Variants in MED12L observed in about 807,000 individuals in gnomAD.
The protein encoded by MED12L is mediator of RNA polymerase II transcription subunit 12-like protein.
A neutral mutation model predicts 281.3 loss-of-function variants in MED12L; 60 were observed. The observed-to-expected ratio is 0.21, with a 90% CI of 0.17 to 0.26. The LOEUF (loss-of-function observed/expected upper bound fraction) is 0.26, where lower values mean the gene tolerates loss of function less well. Ranked by LOEUF, MED12L falls within the 10% of genes least tolerant of loss-of-function variation. The probability of loss-of-function intolerance (pLI) is 1.00; values close to 1 mark genes in which losing one functional copy is unlikely to be tolerated. For missense variants in MED12L, 2,146 were observed against 2,680.9 expected, an observed-to-expected ratio of 0.80 and a Z score of 4.41; for synonymous variants, 974 against 987.2, an observed-to-expected ratio of 0.99 and a Z score of 0.25.
chr3:151,162,429 G>A (rs930337105), intron 8 of MED12L, among the ~76,000 whole-genome samples: 2 of 151,854 alleles, frequency 1.3e-5, no homozygotes, highest in Admixed American at 6.6e-5. Context: ...TTGATGAATT[G>A]ATTGAGACAG....
chr3:151,280,287 T>A (rs1451066212), intron 16 of MED12L, among the ~76,000 whole-genome samples: 3 of 152,204 alleles, frequency 2.0e-5, no homozygotes, highest in Non-Finnish European at 4.4e-5. Flanking sequence ...CATCTTGGGA[T>A]GGGCCAGTGT....
intron 16 of MED12L, among the ~76,000 whole-genome samples, chr3:151,302,110 G>A (rs927276293): frequency 1.3e-5 from 2 of 152,128 alleles, no homozygotes; most frequent in African/African-American, 2.4e-5. Flanking sequence ...CCGTGAAAAC[G>A]TTTTGCATGA....
At chr3:151,277,315 AT>A (rs1742046832) in intron 16 of MED12L, among the ~76,000 whole-genome samples, 1 of 151,996 alleles carries the variant, frequency 6.6e-6, no homozygotes, top group Admixed American at 6.6e-5. Flanking sequence ...GTATTCATAA[AT>A]TTTACCGAAA....
chr3:151,390,518 G>T (rs1453799537), intron 38 of MED12L, among the ~76,000 whole-genome samples: 1 of 152,128 alleles, frequency 6.6e-6, no homozygotes, highest in African/African-American at 2.4e-5. Flanking sequence ...TATCATGACA[G>T]CTAAGAAAAT....
chr3:151,382,621 T>C, intron 32 of MED12L, 35 bp from the exon 33 acceptor site: 2 of 1,507,506 alleles, frequency 1.3e-6, no homozygotes, highest in Non-Finnish European at 1.8e-6. Context: ...AGAGAAAAAT[T>C]AAACTTTAAT....
intron 16 of MED12L, among the ~76,000 whole-genome samples, chr3:151,333,452 A>G (rs1200420229): frequency 1.3e-5 from 2 of 152,164 alleles, no homozygotes; most frequent in African/African-American, 4.8e-5. Context: ...CTGGTGTGAG[A>G]TGATGTCTCA....
chr3:151,156,659 G>GA (rs1210403843), intron 6 of MED12L, among the ~76,000 whole-genome samples: 6 of 152,150 alleles, frequency 3.9e-5, no homozygotes, highest in African/African-American at 1.4e-4. Flanking sequence ...CCTTTGTGCT[G>GA]ATGCCTTCTG....
At chr3:151,287,107 T>C (rs1355400685) in intron 16 of MED12L, among the ~76,000 whole-genome samples, 1 of 152,148 alleles carries the variant, frequency 6.6e-6, no homozygotes, top group Non-Finnish European at 1.5e-5. Flanking sequence ...CAGTAGACAT[T>C]AGGTATTTTA....
intron 2 of MED12L, among the ~76,000 whole-genome samples, chr3:151,103,498 G>C (rs979109657): frequency 4.6e-5 from 7 of 152,184 alleles, no homozygotes; most frequent in Non-Finnish European, 8.8e-5. Flanking sequence ...TCTGAGAGCT[G>C]TGTGTTCAAC....
At chr3:151,297,993 G>T (rs1291608724) in intron 16 of MED12L, among the ~76,000 whole-genome samples, 1 of 151,624 alleles carries the variant, frequency 6.6e-6, no homozygotes, top group East Asian at 1.9e-4. Context: ...GAAACAATAT[G>T]GTAGTAGAGA....
chr3:151,106,327 CCCTCCCCTCCCCTCCCCTTT>C (rs1389431121), intron 2 of MED12L, among the ~76,000 whole-genome samples: 3 of 127,386 alleles, frequency 2.4e-5, no homozygotes, highest in East Asian at 2.9e-4. Context: ...CCCTCCCCTC[CCCTCCCCTCCCCTCCCCTTT>C]CCTTTCCTTT....
chr3:151,156,773 T>A (rs1476252298), intron 6 of MED12L, among the ~76,000 whole-genome samples: 1 of 152,054 alleles, frequency 6.6e-6, no homozygotes, highest in Admixed American at 6.5e-5. Flanking sequence ...GTAAGGGCGT[T>A]TAGGAATGAC....
At chr3:151,099,606 A>G (rs553516960) in intron 2 of MED12L, among the ~76,000 whole-genome samples, 1 of 152,356 alleles carries the variant, frequency 6.6e-6, no homozygotes, top group South Asian at 2.1e-4. Context: ...AAGAGCATGC[A>G]GAAAATCTGG....
chr3:151,236,070 C>G (rs1367582279), intron 16 of MED12L, among the ~76,000 whole-genome samples: 15 of 152,142 alleles, frequency 9.9e-5, no homozygotes. Context: ...TTCTTACATA[C>G]AGCCCTTCTT....
intron 2 of MED12L, among the ~76,000 whole-genome samples, chr3:151,104,512 G>A (rs973216101): frequency 2.0e-5 from 3 of 152,150 alleles, no homozygotes; most frequent in Non-Finnish European, 4.4e-5. Flanking sequence ...TAGTGAAGCT[G>A]CTTTTCTTGG....
intron 16 of MED12L, among the ~76,000 whole-genome samples, chr3:151,334,124 A>C (rs1426558923): frequency 6.6e-6 from 1 of 151,098 alleles, no homozygotes; most frequent in African/African-American, 2.4e-5. Context: ...TCTGTAAGTG[A>C]AAAAGCCATG....
intron 16 of MED12L, among the ~76,000 whole-genome samples, chr3:151,244,877 C>G (rs1368377516): frequency 6.6e-6 from 1 of 151,530 alleles, no homozygotes; most frequent in African/African-American, 2.4e-5. Context: ...GCTAGCAAGA[C>G]TAATAAAGAA....
At chr3:151,272,313 C>T (rs1355426523) in intron 16 of MED12L, among the ~76,000 whole-genome samples, 1 of 152,172 alleles carries the variant, frequency 6.6e-6, no homozygotes, top group Non-Finnish European at 1.5e-5. Context: ...AAAAATAAAA[C>T]AGGACATGTT....
rs146089471 is a variant in MED12L, at chr3:151,292,037, C to A, written c.2251-58022C>A. ...AGTGGGATTTAGATGTTTTAAAGAC[C>A]TCTTAGAATTGAGGCCTGAATGAAA... On this transcript the variant is annotated intron_variant, in intron 16 of 44. Transcript: ENST00000687756. 2.3e-4 allele frequency among the ~76,000 whole-genome samples: 35 copies of A among 152,120 alleles called. No homozygotes were observed. In the East Asian group the frequency reaches 6.4e-3, roughly 28 times the overall value.
Sources: gnomAD v4.1 joint callset for allele counts (sites outside exome capture counted in the v4.1 genomes callset) on GRCh38, gnomAD v4.1.1 for gene constraint, MANE v1.5 for transcripts, NCBI Gene and HGNC (gene_info 2026-07-23, HGNC 2026-07-21) for gene names.